The following MEGF10 variants were observed in gnomAD, a reference collection of about 807,000 sequenced individuals.
MEGF10 encodes the protein multiple EGF like domains 10.
A neutral mutation model predicts 147.5 loss-of-function variants in MEGF10; 86 were observed. That is an observed-to-expected ratio of 0.58 (90% confidence interval 0.49 to 0.70). MEGF10 has a LOEUF of 0.70. Among genes scored for constraint, MEGF10 ranks in the 30% least tolerant of loss-of-function variants. The probability of loss-of-function intolerance (pLI) is 0.00; values close to 1 mark genes in which losing one functional copy is unlikely to be tolerated. For synonymous variants in MEGF10, 478 were observed against 525.5 expected, an observed-to-expected ratio of 0.91 and a Z score of 1.24; for missense variants, 1,329 against 1,487.3, an observed-to-expected ratio of 0.89 and a Z score of 1.75.
At chr5:127,362,965 A>G (rs1336149957) in intron 4 of MEGF10, among the ~76,000 whole-genome samples, 1 of 152,118 alleles carries the variant, frequency 6.6e-6, no homozygotes, top group African/African-American at 2.4e-5. Flanking sequence ...TTTGGGGTTT[A>G]TAGTATCCAC....
Position 127,420,059 on chromosome 5 carries a change from A to T in MEGF10, c.1442A>T (p.Asp481Val). The stretch of plus-strand genomic sequence containing the variant: ...TGTCGCACAGGCTGGCACGGGGTGG[A>T]CTGCTCCATCAGATGTCCCAGTGGC... ...CTCKAGWHGV[D>V]CSIRCPSGTW... is the part of the protein sequence containing the mutation. The change falls in exon 12 of 25, where the codon GAC becomes GTC. Residue 481 changes from aspartate (D) to valine (V), a missense_variant. Asp to Val is a radical substitution (Grantham distance 152). This residue lies in a region of MEGF10 where 980 missense variants were observed against 1,085.9 expected (regional missense o/e 0.90). Coordinates refer to ENST00000503335, the MANE Select transcript of MEGF10 (RefSeq NM_001256545.2). The T allele has an allele frequency of 5.6e-6, 9 of 1,614,126 alleles. No homozygotes were observed. Among genetic ancestry groups the T allele is most frequent in the Non-Finnish European group, 7.6e-6 (9 of 1,180,030 alleles).
At chr5:127,380,023 G>A (rs1291673277) in intron 5 of MEGF10, among the ~76,000 whole-genome samples, 1 of 150,010 alleles carries the variant, frequency 6.7e-6, no homozygotes, top group African/African-American at 2.5e-5. Context: ...CCTTTTTAAC[G>A]TTTTTAAATA....
chr5:127,283,772 G>T, the MEGF10 span, among the ~76,000 whole-genome samples: 1 of 152,006 alleles, frequency 6.6e-6, no homozygotes, highest in Middle Eastern at 3.4e-3. Flanking sequence ...AACATGAGAG[G>T]GCATTACATA....
intron 1 of MEGF10, among the ~76,000 whole-genome samples, chr5:127,300,743 T>G (rs1421041453): frequency 6.6e-6 from 1 of 152,180 alleles, no homozygotes; most frequent in Non-Finnish European, 1.5e-5. Context: ...GGCCTAGAGC[T>G]TTAAATACCC....
chr5:127,243,191 T>C, the MEGF10 span, among the ~76,000 whole-genome samples: 3 of 152,166 alleles, frequency 2.0e-5, no homozygotes, highest in Non-Finnish European at 2.9e-5. Context: ...GAGAACATAT[T>C]GTCAGGATAA....
upstream of MEGF10, among the ~76,000 whole-genome samples, chr5:127,286,824 A>G (rs1296105355): frequency 1.3e-5 from 2 of 152,018 alleles, no homozygotes; most frequent in Non-Finnish European, 2.9e-5. Flanking sequence ...AAAATTGATG[A>G]ACTTCTAATC....
the MEGF10 span, among the ~76,000 whole-genome samples, chr5:127,257,399 C>G: frequency 5.3e-5 from 8 of 150,080 alleles, no homozygotes; most frequent in Admixed American, 1.3e-4. Context: ...GAATACCAGA[C>G]AGGGCTTTGG....
chr5:127,417,551 G>C (rs1764822819), intron 9 of MEGF10, 87 bp from the exon 10 acceptor site: 1 of 1,281,300 alleles, frequency 7.8e-7, no homozygotes, highest in Non-Finnish European at 1.1e-6. Context: ...CACACATTTA[G>C]TGATCATTGC....
At chr5:127,281,391 T>G in the MEGF10 span, among the ~76,000 whole-genome samples, 1 of 151,920 alleles carries the variant, frequency 6.6e-6, no homozygotes, top group Admixed American at 6.5e-5. Flanking sequence ...GATGAGAGTT[T>G]TCTGTCCCTT....
At position 127,358,403 on chromosome 5, in the gene MEGF10, T is replaced by C. The variant is rs144734591; in HGVS notation, c.320-11507T>C. ...ATTATTCATATGTGATTCAGATGTA[T>C]TGGATAACCGGAAGCAAAATGACAG... On this transcript the variant is annotated intron_variant, in intron 4 of 24. Transcript: ENST00000503335. Among the ~76,000 whole-genome samples, 64 of 152,316 alleles carry C rather than the reference T, an allele frequency of 4.2e-4. No individual in the cohort carries two copies. In the East Asian group the frequency reaches 9.5e-3, roughly 22 times the overall value.
the MEGF10 span, among the ~76,000 whole-genome samples, chr5:127,230,680 C>G: frequency 6.6e-6 from 1 of 152,184 alleles, no homozygotes; most frequent in African/African-American, 2.4e-5. Context: ...CACAGTGAGG[C>G]AGGCCTGTTT....
At chr5:127,424,494 T>C in intron 13 of MEGF10, 1 of 1,446,852 alleles carries the variant, frequency 6.9e-7, no homozygotes, top group South Asian at 1.4e-5. Context: ...AGTCTTCAGA[T>C]TCATAAACAT....
chr5:127,266,415 GTTCCATATGAACTTTAAAGTAGTTTTT>G, the MEGF10 span, among the ~76,000 whole-genome samples: 1 of 152,060 alleles, frequency 6.6e-6, no homozygotes, highest in Non-Finnish European at 1.5e-5. Context: ...CTCTTTTTTG[GTTCCATATGAACTTTAAAGTAGTTTTT>G]TCCAATTCTT....
chr5:127,262,855 G>A, the MEGF10 span, among the ~76,000 whole-genome samples: 94 of 152,154 alleles, frequency 6.2e-4, no homozygotes, highest in African/African-American at 2.3e-3. Context: ...TGAAAAGGAG[G>A]GCTTTGGTAG....
intron 9 of MEGF10, among the ~76,000 whole-genome samples, chr5:127,410,928 A>G (rs1488714799): frequency 6.6e-6 from 1 of 152,248 alleles, no homozygotes; most frequent in Non-Finnish European, 1.5e-5. Context: ...CTTAGAAGCA[A>G]AGATGCAATG....
the MEGF10 span, among the ~76,000 whole-genome samples, chr5:127,274,759 T>C: frequency 5.3e-5 from 8 of 152,210 alleles, no homozygotes. Flanking sequence ...ATCTTTTATC[T>C]CTCTGAAATT....
rs1766518887 is a variant in MEGF10 at position 127,460,391 on chromosome 5, A to G, written c.*3073A>G. On this transcript the variant is annotated 3_prime_UTR_variant, in exon 25 of 25. Coordinates refer to ENST00000503335, the MANE Select transcript of MEGF10 (RefSeq NM_001256545.2). Reference sequence around the variant, plus strand: ...GTTTGACATTAATTGCTGTCCTATGATACAGTAGTAATGTTAACAGAGAGT... The same window carrying G: ...GTTTGACATTAATTGCTGTCCTATGGTACAGTAGTAATGTTAACAGAGAGT... The G allele has an allele frequency of 6.6e-6, 1 of 152,206 alleles. No homozygotes were observed. The highest frequency in any genetic ancestry group is 1.5e-5 in the Non-Finnish European group (1 of 68,028). The allele number at this position is 152,206 out of a possible 1,614,324, so 9.4% of individuals were successfully genotyped here. A position where few individuals can be genotyped will look rare whatever the true frequency, so the allele number is the denominator to read the frequency against.
At chr5:127,409,373 G>A (rs868145798) in intron 8 of MEGF10, among the ~76,000 whole-genome samples, 11 of 152,264 alleles carry the variant, frequency 7.2e-5, no homozygotes, top group Middle Eastern at 3.4e-3. Context: ...CCCTTCTTGC[G>A]GCAAGTGCTC....
intron 2 of MEGF10, among the ~76,000 whole-genome samples, chr5:127,332,552 T>A (rs1371032103): frequency 6.6e-6 from 1 of 152,144 alleles, no homozygotes; most frequent in Non-Finnish European, 1.5e-5. Context: ...CCTACCTCCA[T>A]TGGTAGTGTT....
Sources: allele counts gnomAD v4.1 joint callset (sites outside exome capture counted in the v4.1 genomes callset), GRCh38; gene constraint gnomAD v4.1.1; regional missense constraint gnomAD v4.1.1; transcripts MANE v1.5; gene names NCBI Gene and HGNC (gene_info 2026-07-23, HGNC 2026-07-21).